The following DIP2A variants were observed in gnomAD, a reference collection of about 807,000 sequenced individuals.
DIP2A encodes the protein DIP2 acetate--CoA ligase A, also known as disco-interacting protein 2 homolog A.
In DIP2A, 85 loss-of-function variants were observed where a neutral mutation model predicts 177.4. That is an observed-to-expected ratio of 0.48 (90% CI 0.40 to 0.57). The LOEUF (loss-of-function observed/expected upper bound fraction) is 0.57. Among genes scored for constraint, DIP2A ranks in the 20% least tolerant of loss-of-function variants. DIP2A has a pLI of 0.00. For missense variants in DIP2A, 1,791 were observed against 2,100.2 expected, an observed-to-expected ratio of 0.85 and a Z score of 2.88; for synonymous variants, 886 against 881.8, an observed-to-expected ratio of 1.00 and a Z score of -0.08.
intron 1 of DIP2A, among the ~76,000 whole-genome samples, chr21:46,460,352 C>T (rs578097179): frequency 6.6e-6 from 1 of 152,294 alleles, no homozygotes; most frequent in East Asian, 1.9e-4. Flanking sequence ...GAGTTAAGTT[C>T]TTCTCCAGTG....
chr21:46,580,918 G>T, the DIP2A span, among the ~76,000 whole-genome samples: 1 of 152,098 alleles, frequency 6.6e-6, no homozygotes, highest in Non-Finnish European at 1.5e-5. Context: ...ATGATTATGT[G>T]TCTTGGGGCT....
Position 46,557,200 on chromosome 21 carries a change from G to T in DIP2A, c.3629+131G>T, listed in dbSNP as rs1601837239. 1.9e-6 allele frequency: 2 copies of T among 1,064,396 alleles called. No individual in the cohort carries two copies. Among genetic ancestry groups the T allele is most frequent in the East Asian group, 5.3e-5 (2 of 38,036 alleles). The allele number at this position is 1,064,396 out of a possible 1,614,324, so 65.9% of individuals were successfully genotyped here. A position where few individuals can be genotyped will look rare whatever the true frequency, so the allele number is the denominator to read the frequency against. On this transcript the variant is annotated intron_variant, in intron 30 of 37. Coordinates refer to ENST00000417564, the MANE Select transcript of DIP2A (RefSeq NM_015151.4). The surrounding 1 kb of genome is among the most constrained non-coding windows in gnomAD (Gnocchi z 6.0). ...GATGTGTGTGAGTGGGTTTGTTTGG[G>T]GATGAAGTGGGTTGGAGTCTGAGTC... is the stretch of plus-strand genomic sequence containing the variant.
At chr21:46,538,623 G>T in intron 16 of DIP2A, 21 bp downstream of exon 16, 1 of 1,545,524 alleles carries the variant, frequency 6.5e-7, no homozygotes. Flanking sequence ...CTGTGTGCCC[G>T]GCGCATACCC....
chr21:46,484,698 A>C, intron 1 of DIP2A, 59 bp from the exon 2 acceptor site: 1 of 1,433,248 alleles, frequency 7.0e-7, no homozygotes, highest in Admixed American at 2.3e-5. Context: ...ATTGATGTTT[A>C]ATTTTAAAAT....
intron 3 of DIP2A, among the ~76,000 whole-genome samples, chr21:46,494,282 C>G (rs552474033): frequency 1.9e-4 from 29 of 152,132 alleles, no homozygotes; most frequent in Non-Finnish European, 4.0e-4. Context: ...AGAAGCTGAG[C>G]TGTGTTTGTC....
intron 8 of DIP2A, among the ~76,000 whole-genome samples, chr21:46,514,139 A>C (rs2058437747): frequency 6.6e-6 from 1 of 152,240 alleles, no homozygotes; most frequent in Non-Finnish European, 1.5e-5. Flanking sequence ...TATTATTTTA[A>C]AATGATGACT....
At chr21:46,506,222 A>T (rs1403717058) in intron 6 of DIP2A, among the ~76,000 whole-genome samples, 1 of 151,958 alleles carries the variant, frequency 6.6e-6, no homozygotes, top group East Asian at 1.9e-4. Context: ...GGTTCAAGCG[A>T]TTCTCCTGCC....
intron 21 of DIP2A, 107 bp from the exon 22 acceptor site, chr21:46,549,664 C>A: frequency 6.5e-7 from 1 of 1,529,286 alleles, no homozygotes; most frequent in Non-Finnish European, 8.8e-7. Flanking sequence ...TGATAGACTG[C>A]ATTTTAAATA....
Position 46,569,494 on chromosome 21 carries a change from A to C in DIP2A, c.*1872A>C, listed in dbSNP as rs1161003950. 6.6e-6 allele frequency: 1 copy of C among 152,166 alleles called. No homozygotes were observed. The highest frequency in any genetic ancestry group is 1.5e-5 in the Non-Finnish European group (1 of 68,022). The allele number at this position is 152,166 out of a possible 1,614,324, so 9.4% of individuals were successfully genotyped here. ...GCTGGGAAGGGAAAGAAAAAAAAAAAAAAACTACCTAACTCCAATCTTAAT... is the reference window on the plus strand; with the variant it reads ...GCTGGGAAGGGAAAGAAAAAAAAAACAAAACTACCTAACTCCAATCTTAAT... On this transcript the variant is annotated 3_prime_UTR_variant, in exon 38 of 38. Transcript: ENST00000417564.
intron 8 of DIP2A, among the ~76,000 whole-genome samples, chr21:46,520,036 G>A (rs930968134): frequency 1.3e-5 from 2 of 151,508 alleles, no homozygotes; most frequent in Non-Finnish European, 2.9e-5. Flanking sequence ...CACCACGCCC[G>A]GCTAATGTTT....
At position 46,550,536 on chromosome 21, in the gene DIP2A, C is replaced by T. The variant is rs1411593407; in HGVS notation, c.2638-7C>T. On this transcript the variant is annotated splice_polypyrimidine_tract_variant and splice_region_variant and intron_variant, in intron 22 of 37. Coordinates refer to ENST00000417564, the MANE Select transcript of DIP2A (RefSeq NM_015151.4). The stretch of plus-strand genomic sequence containing the variant: ...GGCCTGTGCCAAACAGGGTCCTTCC[C>T]TTTCAGGCCATTGATAGCATCCACC... The T allele has an allele frequency of 2.5e-6, 4 of 1,610,636 alleles. No homozygotes were observed. In the East Asian group the frequency reaches 6.7e-5, roughly 27 times the overall value.
At chr21:46,523,337 C>T (rs1480872091) in intron 8 of DIP2A, among the ~76,000 whole-genome samples, 3 of 151,486 alleles carry the variant, frequency 2.0e-5, no homozygotes, top group African/African-American at 7.3e-5. Flanking sequence ...CAGGTTCAAG[C>T]AGTTCTCCTG....
rs1049752801 is a variant in DIP2A at position 46,563,014 on chromosome 21, C to T, written c.4090-844C>T. Among the ~76,000 whole-genome samples, 8 of 152,198 alleles carry T rather than the reference C, an allele frequency of 5.3e-5. No homozygotes were observed. The highest frequency in any genetic ancestry group is 1.9e-4 in the African/African-American group (8 of 41,448). On this transcript the variant is annotated intron_variant, in intron 34 of 37. Coordinates refer to ENST00000417564, the MANE Select transcript of DIP2A (RefSeq NM_015151.4). The surrounding 1 kb of genome is among the most constrained non-coding windows in gnomAD (Gnocchi z 4.3). Reference sequence around the variant, plus strand: ...GTTTAGCTCACCCCCTTTTATTGGACGTTCTTTCCTATTTTGCTGTTACAA... The same window carrying T: ...GTTTAGCTCACCCCCTTTTATTGGATGTTCTTTCCTATTTTGCTGTTACAA...
intron 8 of DIP2A, among the ~76,000 whole-genome samples, chr21:46,512,104 C>T (rs975807642): frequency 6.6e-6 from 1 of 152,120 alleles, no homozygotes; most frequent in Non-Finnish European, 1.5e-5. Context: ...GTCCTGACTG[C>T]CCACACTGTT....
At chr21:46,580,031 C>T in the DIP2A span, among the ~76,000 whole-genome samples, 1 of 152,152 alleles carries the variant, frequency 6.6e-6, no homozygotes, top group Admixed American at 6.5e-5. Context: ...GATGATCTAA[C>T]TAATATTGAC....
intron 5 of DIP2A, among the ~76,000 whole-genome samples, chr21:46,501,170 A>C (rs1005007005): frequency 6.6e-6 from 1 of 152,246 alleles, no homozygotes; most frequent in African/African-American, 2.4e-5. Context: ...TAAACTAAGG[A>C]AAGAAACATG....
At chr21:46,540,628 G>T (rs1324094093) in intron 17 of DIP2A, among the ~76,000 whole-genome samples, 1 of 152,174 alleles carries the variant, frequency 6.6e-6, no homozygotes, top group Non-Finnish European at 1.5e-5. Flanking sequence ...CAGCTGAGGT[G>T]TCTTAGCCTC....
intron 1 of DIP2A, among the ~76,000 whole-genome samples, chr21:46,467,024 C>T (rs1057150398): frequency 1.3e-5 from 2 of 151,898 alleles, no homozygotes; most frequent in Non-Finnish European, 2.9e-5. Flanking sequence ...AGGCCGGGCG[C>T]GGTGGCTCAC....
At chr21:46,545,702 C>G (rs1248636024) in intron 19 of DIP2A, among the ~76,000 whole-genome samples, 179 bp from the exon 20 acceptor site, 1 of 152,240 alleles carries the variant, frequency 6.6e-6, no homozygotes, top group Non-Finnish European at 1.5e-5. Flanking sequence ...CCTCAGGAGG[C>G]CTGCCCAGGA....
Sources: allele counts gnomAD v4.1 joint callset (sites outside exome capture counted in the v4.1 genomes callset), GRCh38; gene constraint gnomAD v4.1.1; non-coding constraint Gnocchi (gnomAD v3.1); transcripts MANE v1.5; gene names NCBI Gene and HGNC (gene_info 2026-07-23, HGNC 2026-07-21).